HDGF: variants seen among roughly 807,000 people sequenced by gnomAD.
The protein encoded by HDGF is hepatoma-derived growth factor.
Under a neutral mutation model 30.0 loss-of-function variants are expected in HDGF, and 5 were observed. The observed-to-expected ratio is 0.17, with a 90% CI of 0.09 to 0.35. HDGF has a LOEUF of 0.35. HDGF is among the 10% of genes least tolerant of loss of function. The pLI, the probability that HDGF is intolerant of heterozygous loss-of-function variation, is 1.00. For missense variants in HDGF, 214 were observed against 302.8 expected (o/e 0.71, Z 2.18); for synonymous variants, 133 against 112.7 (o/e 1.18, Z -1.14).
At chr1:156,754,224 C>A (rs1351719924), upstream of HDGF, among the ~76,000 whole-genome samples, 1 of 152,152 alleles carries the variant, frequency 6.6e-6, no homozygotes, top group African/African-American at 2.4e-5. Flanking sequence ...AACAAACACG[C>A]TTTTAAACTA....
At chr1:156,751,723 C>G (rs1176061169), upstream of HDGF, 50 of 1,186,588 alleles carry the variant, frequency 4.2e-5, no homozygotes, top group Non-Finnish European at 4.6e-5. The surrounding 1 kb of genome is among the most constrained non-coding windows in gnomAD (Gnocchi z 4.7). Flanking sequence ...CTCCACCCCC[C>G]GCCCGGTCCC....
intron 1 of HDGF, among the ~76,000 whole-genome samples, chr1:156,746,042 GTC>G (rs1354742152): frequency 6.6e-6 from 1 of 152,176 alleles, no homozygotes; most frequent in Non-Finnish European, 1.5e-5. Flanking sequence ...GGTTCTTGCA[GTC>G]TCTAATACTC....
chr1:156,767,197 C>T (rs962856340), upstream of HDGF, among the ~76,000 whole-genome samples: 8 of 152,298 alleles, frequency 5.3e-5, no homozygotes, highest in African/African-American at 1.4e-4. Flanking sequence ...ATCATATCTC[C>T]CAGAAATCTT....
At chr1:156,755,597 C>T (rs1004886800), upstream of HDGF, 2 of 152,218 alleles carry the variant, frequency 1.3e-5, no homozygotes, top group African/African-American at 4.8e-5. Flanking sequence ...CCAACGGAGT[C>T]GAGGGTTTTG....
In HDGF at chr1:156,751,637, G is replaced by C; in HGVS notation, c.-208C>G. The C allele has an allele frequency of 1.0e-6, 1 of 996,102 alleles. No homozygotes were observed. Among genetic ancestry groups the C allele is most frequent in the African/African-American group, 1.7e-5 (1 of 57,362 alleles). 61.7% of individuals were successfully genotyped at this position (996,102 alleles called of 1,614,324 possible). A position where few individuals can be genotyped will look rare whatever the true frequency, so the allele number is the denominator to read the frequency against. On this transcript the variant is annotated 5_prime_UTR_variant, in exon 1 of 6. Coordinates refer to ENST00000357325, the MANE Select transcript of HDGF (RefSeq NM_004494.3). The surrounding 1 kb of genome is among the most constrained non-coding windows in gnomAD (Gnocchi z 4.7). ...CGGGCGCGGATCGGGGCAAGGCTCC[G>C]GCGCGGTGGGTGCGCGCTCGTGCAG... is the stretch of plus-strand genomic sequence containing the variant.
intron 1 of HDGF, among the ~76,000 whole-genome samples, chr1:156,746,520 G>A (rs1483940912): frequency 6.6e-6 from 1 of 152,264 alleles, no homozygotes. Flanking sequence ...AACATAGCAA[G>A]TTGTTGAGGG....
At chr1:156,752,612 A>G (rs1011617669), upstream of HDGF, among the ~76,000 whole-genome samples, 6 of 152,190 alleles carry the variant, frequency 3.9e-5, no homozygotes, top group African/African-American at 1.4e-4. Flanking sequence ...ATTTTGCCAA[A>G]TTCTGCGAGA....
intron 1 of HDGF, among the ~76,000 whole-genome samples, chr1:156,761,120 C>T (rs1466571352): frequency 3.3e-5 from 5 of 151,616 alleles, no homozygotes; most frequent in African/African-American, 1.2e-4. Context: ...CGAGACCAGC[C>T]TGGCTAACTT....
chr1:156,752,175 G>A (rs1356064737), upstream of HDGF: 6 of 1,551,688 alleles, frequency 3.9e-6, no homozygotes, highest in African/African-American at 1.4e-5. Context: ...CGAGAGGAGT[G>A]GGCGCCGTGC....
intron 1 of HDGF, among the ~76,000 whole-genome samples, chr1:156,765,053 T>C (rs1651328722): frequency 6.6e-6 from 1 of 151,872 alleles, no homozygotes; most frequent in East Asian, 1.9e-4. Context: ...CTCACAGAAG[T>C]AGGACAGGGC....
chr1:156,764,922 G>A (rs571090963), intron 1 of HDGF, among the ~76,000 whole-genome samples: 2 of 151,470 alleles, frequency 1.3e-5, no homozygotes, highest in Non-Finnish European at 2.9e-5. Flanking sequence ...GAAAACATTT[G>A]AGACAGGTCC....
chr1:156,758,910 A>C (rs1171514559), intron 2 of HDGF: 1 of 152,452 alleles, frequency 6.6e-6, no homozygotes, highest in African/African-American at 2.4e-5. Flanking sequence ...AGCAGTGCAG[A>C]GGTGGAAGGG....
At chr1:156,759,955 A>G (rs1227052106) in intron 1 of HDGF, among the ~76,000 whole-genome samples, 1 of 152,224 alleles carries the variant, frequency 6.6e-6, no homozygotes, top group Non-Finnish European at 1.5e-5. Context: ...TACTGGACAC[A>G]TTTCATCTTA....
chr1:156,765,630 A>T (rs10796965), intron 1 of HDGF, among the ~76,000 whole-genome samples: 1 of 149,878 alleles, frequency 6.7e-6, no homozygotes, highest in African/African-American at 2.4e-5. Context: ...GCCCGCCACC[A>T]CACCATGCTA....
chr1:156,764,335 T>C (rs924827452), intron 1 of HDGF, among the ~76,000 whole-genome samples: 1 of 152,102 alleles, frequency 6.6e-6, no homozygotes, highest in African/African-American at 2.4e-5. Context: ...TTCAAGCGAT[T>C]CTCCTGCCTC....
chr1:156,753,694 GTGTGTGCCAC>G (rs1651092910), upstream of HDGF, among the ~76,000 whole-genome samples: 1 of 151,782 alleles, frequency 6.6e-6, no homozygotes, highest in Non-Finnish European at 1.5e-5. Flanking sequence ...GGGATTACAG[GTGTGTGCCAC>G]CACGCCCGGC....
chr1:156,753,988 T>C (rs1374707615), upstream of HDGF, among the ~76,000 whole-genome samples: 1 of 151,786 alleles, frequency 6.6e-6, no homozygotes, highest in East Asian at 1.9e-4. Flanking sequence ...CAATCTCGGC[T>C]CACTGCAACC....
rs1033420487 is a variant in HDGF at position 156,751,088 on chromosome 1, C to A, written c.87+255G>T. Among the ~76,000 whole-genome samples the A allele has an allele frequency of 2.0e-5, 3 of 152,172 alleles. No individual in the cohort carries two copies. Among genetic ancestry groups the A allele is most frequent in the Admixed American group, 6.5e-5 (1 of 15,294 alleles). The stretch of plus-strand genomic sequence containing the variant: ...GAGCTGGGGGCCGGGAAGTGACCGG[C>A]GCCCTCGGATCCCCACGCCGTGAAC... On this transcript the variant is annotated intron_variant, in intron 1 of 5. Coordinates refer to ENST00000357325, the MANE Select transcript of HDGF (RefSeq NM_004494.3). This position sits in a 1 kb window ranked among gnomAD's most constrained non-coding sequence, Gnocchi z 4.7.
chr1:156,765,536 G>A (rs56876127), intron 1 of HDGF, among the ~76,000 whole-genome samples: 5,721 of 132,666 alleles, frequency 0.043, 424 homozygotes, highest in African/African-American at 0.16. Flanking sequence ...ATGCAGTGGC[G>A]TGATCTCGGC....
Sources: gnomAD v4.1 joint callset for allele counts (sites outside exome capture counted in the v4.1 genomes callset) on GRCh38, gnomAD v4.1.1 for gene constraint, Gnocchi (gnomAD v3.1) non-coding constraint, MANE v1.5 for transcripts, NCBI Gene and HGNC (gene_info 2026-07-23, HGNC 2026-07-21) for gene names.